TGFBR1: variants seen among roughly 807,000 people sequenced by gnomAD.
The protein encoded by TGFBR1 is TGF-beta receptor type-1.
In TGFBR1, 20 loss-of-function variants were observed where a neutral mutation model predicts 55.1. The observed-to-expected ratio is 0.36, with a 90% CI of 0.26 to 0.53. The LOEUF (loss-of-function observed/expected upper bound fraction) is 0.53. TGFBR1 is among the 20% of genes least tolerant of loss of function. The pLI, the probability that TGFBR1 is intolerant of heterozygous loss-of-function variation, is 0.91. For synonymous variants in TGFBR1, 220 were observed against 214.8 expected (o/e 1.02, Z -0.21); for missense variants, 385 against 617.6 (o/e 0.62, Z 3.99).
chr9:99,124,975 C>G (rs1037574402), intron 1 of TGFBR1, among the ~76,000 whole-genome samples: 2 of 151,972 alleles, frequency 1.3e-5, no homozygotes, highest in African/African-American at 4.8e-5. Context: ...TCATACACCA[C>G]TATAAACCAA....
chr9:99,132,745 A>G lies in TGFBR1; in HGVS notation c.574+6A>G, dbSNP rs1827282903. 5 of 1,614,110 alleles carry G rather than the reference A, an allele frequency of 3.1e-6. No homozygotes were observed. The highest frequency in any genetic ancestry group is 1.1e-5 in the South Asian group (1 of 91,068). ...AACGTCAGGTTCTGGCTCAGGTAACATAATTGTTTCTCCTTTTTCCTAAGA... is the reference window on the plus strand; with the variant it reads ...AACGTCAGGTTCTGGCTCAGGTAACGTAATTGTTTCTCCTTTTTCCTAAGA... On this transcript the variant is annotated splice_donor_region_variant and intron_variant, in intron 3 of 8. Transcript: ENST00000374994.
intron 2 of TGFBR1, among the ~76,000 whole-genome samples, chr9:99,131,636 T>TA (rs35690716): frequency 0.26 from 39,125 of 148,298 alleles, 5,208 homozygotes; most frequent in East Asian, 0.43. Context: ...CAAACTCTGT[T>TA]AAAAAAAAAA....
intron 1 of TGFBR1, among the ~76,000 whole-genome samples, chr9:99,109,734 A>G (rs758266615): frequency 4.9e-4 from 75 of 152,248 alleles, no homozygotes; most frequent in African/African-American, 1.8e-3. Context: ...CTCTGAACAG[A>G]TGGACTGTGG....
chr9:99,139,707 T>C (rs532485372), intron 4 of TGFBR1, among the ~76,000 whole-genome samples: 28 of 152,370 alleles, frequency 1.8e-4, no homozygotes, highest in Middle Eastern at 6.8e-3. Context: ...TCCAGTTAGG[T>C]TCAATTCTAT....
upstream of TGFBR1, among the ~76,000 whole-genome samples, chr9:99,104,520 G>GT (rs1196526176): frequency 3.3e-5 from 5 of 152,148 alleles, no homozygotes; most frequent in Non-Finnish European, 7.4e-5. Flanking sequence ...AAATAGGAGA[G>GT]TGAGTCGCAT....
intron 1 of TGFBR1, among the ~76,000 whole-genome samples, chr9:99,114,266 A>C (rs759647078): frequency 3.3e-5 from 5 of 152,218 alleles, no homozygotes; most frequent in Non-Finnish European, 7.3e-5. Context: ...GAAAAAGAGA[A>C]CAATTATCCG....
intron 3 of TGFBR1, among the ~76,000 whole-genome samples, chr9:99,137,210 G>C (rs1318412655): frequency 6.6e-6 from 1 of 152,106 alleles, no homozygotes; most frequent in African/African-American, 2.4e-5. Flanking sequence ...CCTTGAAATA[G>C]TTTCTGTGGT....
At chr9:99,131,086 G>A (rs1827209596) in intron 2 of TGFBR1, among the ~76,000 whole-genome samples, 1 of 151,706 alleles carries the variant, frequency 6.6e-6, no homozygotes, top group African/African-American at 2.4e-5. Flanking sequence ...AAAGAAGACA[G>A]AATACCAGGC....
At chr9:99,135,127 C>T (rs1159768824) in intron 3 of TGFBR1, among the ~76,000 whole-genome samples, 1 of 152,040 alleles carries the variant, frequency 6.6e-6, no homozygotes, top group Non-Finnish European at 1.5e-5. Flanking sequence ...AAGTGTTACT[C>T]TTATTGAAAA....
chr9:99,111,129 T>C (rs1022345048), intron 1 of TGFBR1, among the ~76,000 whole-genome samples: 1 of 152,060 alleles, frequency 6.6e-6, no homozygotes, highest in Non-Finnish European at 1.5e-5. Context: ...TCCTGACGAG[T>C]CCAGTGATAG....
intron 1 of TGFBR1, among the ~76,000 whole-genome samples, chr9:99,105,858 C>T (rs1182075509): frequency 6.6e-6 from 1 of 152,144 alleles, no homozygotes; most frequent in Non-Finnish European, 1.5e-5. Flanking sequence ...GAGTCGGGGG[C>T]GACGTGTGGT....
rs201076760 is a variant in TGFBR1, at chr9:99,150,101, C to T, written c.*796C>T. 1 of 188,216 alleles carries T rather than the reference C, an allele frequency of 5.3e-6. No homozygotes were observed. The highest frequency in any genetic ancestry group is 2.3e-5 in the African/African-American group (1 of 42,842). 11.7% of individuals were successfully genotyped at this position (188,216 alleles called of 1,614,324 possible). A position where few individuals can be genotyped will look rare whatever the true frequency, so the allele number is the denominator to read the frequency against. On this transcript the variant is annotated 3_prime_UTR_variant, in exon 9 of 9. Transcript: ENST00000374994. Reference sequence around the variant, plus strand: ...TTTTGGAAGGGTTTTTGTGGTATGTCATTTGGTATTCTATTCTGAAAATGC... The same window carrying T: ...TTTTGGAAGGGTTTTTGTGGTATGTTATTTGGTATTCTATTCTGAAAATGC...
intron 5 of TGFBR1, among the ~76,000 whole-genome samples, chr9:99,144,443 A>G (rs1827726644): frequency 6.6e-6 from 1 of 152,224 alleles, no homozygotes; most frequent in African/African-American, 2.4e-5. Flanking sequence ...TCTTAAAAAG[A>G]ATTCATAAGG....
At chr9:99,141,731 A>G (rs1258271734) in intron 4 of TGFBR1, among the ~76,000 whole-genome samples, 1 of 152,096 alleles carries the variant, frequency 6.6e-6, no homozygotes, top group East Asian at 1.9e-4. Flanking sequence ...AGCTACTTCT[A>G]GGTTAAATTA....
At position 99,149,942 on chromosome 9, in the gene TGFBR1, A is replaced by G. The variant is rs201205567; in HGVS notation, c.*637A>G. ...CATGCCTTCAAAATGGGATTGTACT[A>G]TACCAGTAAGTGCCACTTCTGTGTC... On this transcript the variant is annotated 3_prime_UTR_variant, in exon 9 of 9. Coordinates refer to ENST00000374994, the MANE Select transcript of TGFBR1 (RefSeq NM_004612.4). 4 of 192,760 alleles carry G rather than the reference A, an allele frequency of 2.1e-5. No individual in the cohort carries two copies. The highest frequency in any genetic ancestry group is 3.9e-4 in the South Asian group (2 of 5,180). The allele number at this position is 192,760 out of a possible 1,614,324, so 11.9% of individuals were successfully genotyped here.
intron 3 of TGFBR1, 81 bp downstream of exon 3, chr9:99,132,820 C>T: frequency 6.5e-7 from 1 of 1,542,284 alleles, no homozygotes; most frequent in Non-Finnish European, 8.8e-7. Context: ...TCTAATAAGC[C>T]AACTTGCTAG....
chr9:99,146,572 A>G lies in TGFBR1; in HGVS notation c.1218A>G (p.Leu406=), dbSNP rs757399188. The change falls in exon 7 of 9, where the codon TTA becomes TTG. Residue 406 remains leucine, a synonymous_variant. Coordinates refer to ENST00000374994, the MANE Select transcript of TGFBR1 (RefSeq NM_004612.4). ...FKRADIYAMG[L]VFWEIARRCS... ...GTGCTGACATCTATGCAATGGGCTT[A>G]GTATTCTGGGAAATTGCTCGACGAT... 1.2e-6 allele frequency: 2 copies of G among 1,613,994 alleles called. No homozygotes were observed. Among genetic ancestry groups the G allele is most frequent in the Non-Finnish European group, 1.7e-6 (2 of 1,179,896 alleles).
chr9:99,146,370 G>A (rs1827795727), intron 6 of TGFBR1, 115 bp from the exon 7 acceptor site: 3 of 1,218,196 alleles, frequency 2.5e-6, no homozygotes, highest in South Asian at 1.2e-5. Flanking sequence ...TCTAATATTT[G>A]TTATGTAATA....
intron 1 of TGFBR1, among the ~76,000 whole-genome samples, chr9:99,120,967 A>T (rs1307739707): frequency 6.6e-6 from 1 of 152,214 alleles, no homozygotes; most frequent in Non-Finnish European, 1.5e-5. Flanking sequence ...ATCAGTTAAC[A>T]TTATATTGGC....
Sources: gnomAD v4.1 joint callset for allele counts (sites outside exome capture counted in the v4.1 genomes callset) on GRCh38, gnomAD v4.1.1 for gene constraint, MANE v1.5 for transcripts, NCBI Gene and HGNC (gene_info 2026-07-23, HGNC 2026-07-21) for gene names.